The following CUL5 variants were observed in gnomAD, a reference collection of about 807,000 sequenced individuals.
CUL5 encodes cullin 5.
A neutral mutation model predicts 108.8 loss-of-function variants in CUL5; 26 were observed. That is an observed-to-expected ratio of 0.24 (90% confidence interval 0.18 to 0.33). The LOEUF is 0.33. CUL5 is among the 10% of genes least tolerant of loss of function. The pLI is 1.00. For synonymous variants in CUL5, 334 were observed against 298.0 expected (o/e 1.12, Z -1.25); for missense variants, 524 against 909.2 (o/e 0.58, Z 5.45).
chr11:108,040,150 T>A (rs931105356), intron 2 of CUL5, among the ~76,000 whole-genome samples: 2 of 152,250 alleles, frequency 1.3e-5, no homozygotes, highest in African/African-American at 4.8e-5. Flanking sequence ...TAATAAAGTT[T>A]TTAAAAAGAT....
At position 108,105,967 on chromosome 11, in the gene CUL5, A is replaced by G. The variant is rs1453610899; in HGVS notation, c.*1583A>G. 6 of 152,196 alleles carry G rather than the reference A, an allele frequency of 3.9e-5. No homozygotes were observed. Among genetic ancestry groups the G allele is most frequent in the Admixed American group, 6.5e-5 (1 of 15,278 alleles). 9.4% of individuals were successfully genotyped at this position (152,196 alleles called of 1,614,324 possible). On this transcript the variant is annotated 3_prime_UTR_variant, in exon 19 of 19. Coordinates refer to ENST00000393094, the MANE Select transcript of CUL5 (RefSeq NM_003478.6). ...AATGGAAGGAAAGCAACTTTAAAAC[A>G]TTTAGAGTTTTGCTGAGTATAGCCA...
chr11:108,054,889 A>G lies in CUL5; in HGVS notation c.714A>G (p.Leu238=), dbSNP rs753897966. ...CTTCTGGACAGGCAGATGCTAAATT[A>G]AAAGAAGAAGAAAAACGAGCACTAC... ...QNYMKYADAK[L]KEEEKRALRY... The change falls in exon 7 of 19, where the codon TTA becomes TTG. Residue 238 remains leucine, a synonymous_variant. Coordinates refer to ENST00000393094, the MANE Select transcript of CUL5 (RefSeq NM_003478.6). The G allele has an allele frequency of 6.2e-7, 1 of 1,608,874 alleles. No individual in the cohort carries two copies. Among genetic ancestry groups the G allele is most frequent in the Non-Finnish European group, 8.5e-7 (1 of 1,178,732 alleles).
At chr11:108,101,013 G>A (rs900720928) in intron 18 of CUL5, among the ~76,000 whole-genome samples, 2 of 152,214 alleles carry the variant, frequency 1.3e-5, no homozygotes, top group African/African-American at 4.8e-5. Flanking sequence ...TGGCAACAGA[G>A]CAAGACTCCA....
chr11:108,093,273 T>A (rs1351233797), intron 13 of CUL5, among the ~76,000 whole-genome samples: 1 of 148,522 alleles, frequency 6.7e-6, no homozygotes, highest in Non-Finnish European at 1.5e-5. Flanking sequence ...GTAATTTGGA[T>A]GATCTTCTAG....
rs1002436231 is a variant in CUL5 at position 108,106,220 on chromosome 11, G to C, written c.*1836G>C. On this transcript the variant is annotated 3_prime_UTR_variant, in exon 19 of 19. Coordinates refer to ENST00000393094, the MANE Select transcript of CUL5 (RefSeq NM_003478.6). ...TATGTTTAACAGATAATTCAGCATT[G>C]GCGTATTTGCTTGTCCCAATACAAG... 3.3e-5 allele frequency: 5 copies of C among 152,486 alleles called. No homozygotes were observed. The highest frequency in any genetic ancestry group is 1.2e-4 in the African/African-American group (5 of 41,412). The allele number at this position is 152,486 out of a possible 1,614,324, so 9.4% of individuals were successfully genotyped here.
intron 16 of CUL5, among the ~76,000 whole-genome samples, chr11:108,096,652 C>A (rs961612290): frequency 6.7e-6 from 1 of 148,912 alleles, no homozygotes; most frequent in East Asian, 2.0e-4. Flanking sequence ...CTGCAACCTC[C>A]GCCTCCAGGG....
chr11:108,087,474 A>G (rs936762908), intron 11 of CUL5, among the ~76,000 whole-genome samples: 15 of 152,188 alleles, frequency 9.9e-5, no homozygotes, highest in Non-Finnish European at 1.8e-4. Flanking sequence ...TTAAAAAATA[A>G]ATGTAAGACT....
chr11:108,097,785 CACCT>C, intron 17 of CUL5, 31 bp downstream of exon 17: 2 of 1,236,604 alleles, frequency 1.6e-6, no homozygotes. Flanking sequence ...AAAATAAAAA[CACCT>C]TGTTTGAATT....
intron 11 of CUL5, among the ~76,000 whole-genome samples, chr11:108,085,368 A>G (rs1381051588): frequency 6.6e-6 from 1 of 152,136 alleles, no homozygotes; most frequent in Non-Finnish European, 1.5e-5. Flanking sequence ...TGAGGTATCA[A>G]GAACAGGGAA....
At chr11:108,062,703 T>G (rs1863570679) in intron 7 of CUL5, among the ~76,000 whole-genome samples, 1 of 152,056 alleles carries the variant, frequency 6.6e-6, no homozygotes, top group Non-Finnish European at 1.5e-5. Context: ...ATCAATCACC[T>G]CAGGCATTTA....
chr11:108,019,264 C>T (rs963802411), intron 1 of CUL5, among the ~76,000 whole-genome samples: 2 of 151,998 alleles, frequency 1.3e-5, no homozygotes, highest in African/African-American at 4.8e-5. Context: ...GACAACTGTA[C>T]AGTAGTTTGA....
intron 3 of CUL5, among the ~76,000 whole-genome samples, chr11:108,047,372 A>G (rs12099180): frequency 0.025 from 3,753 of 152,212 alleles, 165 homozygotes; most frequent in African/African-American, 0.082. Flanking sequence ...CTAGGCTAGA[A>G]TTTCTTATTT....
At chr11:108,059,313 G>A (rs72998471) in intron 7 of CUL5, among the ~76,000 whole-genome samples, 8,798 of 152,200 alleles carry the variant, frequency 0.058, 377 homozygotes, top group Non-Finnish European at 0.078. Flanking sequence ...ATGCTAGTTG[G>A]GGATAATAAG....
At chr11:108,082,282 T>G (rs1010287557) in intron 11 of CUL5, among the ~76,000 whole-genome samples, 10 of 149,778 alleles carry the variant, frequency 6.7e-5, no homozygotes, top group African/African-American at 1.2e-4. Context: ...CTCTCTTTCT[T>G]TCTGTTTTTT....
chr11:108,039,112 C>T (rs1187539474), intron 2 of CUL5, among the ~76,000 whole-genome samples: 1 of 152,080 alleles, frequency 6.6e-6, no homozygotes, highest in African/African-American at 2.4e-5. Flanking sequence ...CCTCTGCCTC[C>T]CAGGTTCAAG....
intron 1 of CUL5, among the ~76,000 whole-genome samples, chr11:108,027,515 A>G (rs1358471199): frequency 2.0e-5 from 3 of 151,744 alleles, no homozygotes; most frequent in African/African-American, 7.3e-5. Context: ...CAAGTCATCC[A>G]CCCACCCCGG....
chr11:108,042,761 TTTC>T (rs1418267140), intron 2 of CUL5, among the ~76,000 whole-genome samples: 2 of 151,938 alleles, frequency 1.3e-5, no homozygotes, highest in Non-Finnish European at 2.9e-5. Context: ...TTTCTATCAG[TTTC>T]TTTTTTTTTC....
intron 7 of CUL5, among the ~76,000 whole-genome samples, chr11:108,068,475 C>T (rs112590413): frequency 4.6e-5 from 7 of 151,984 alleles, no homozygotes; most frequent in South Asian, 2.1e-4. Context: ...ATTCTTTATT[C>T]GGAAAATTTT....
intron 1 of CUL5, among the ~76,000 whole-genome samples, chr11:108,017,153 T>C (rs1376346839): frequency 6.6e-6 from 1 of 151,994 alleles, no homozygotes. Context: ...CTTTGGGAGA[T>C]TGAGGTGGGT....
Sources: allele counts gnomAD v4.1 joint callset (sites outside exome capture counted in the v4.1 genomes callset), GRCh38; gene constraint gnomAD v4.1.1; transcripts MANE v1.5; gene names NCBI Gene and HGNC (gene_info 2026-07-23, HGNC 2026-07-21).